TCF12: variants seen among roughly 807,000 people sequenced by gnomAD.
The protein encoded by TCF12 is DNA-binding protein HTF4.
Under a neutral mutation model 86.0 loss-of-function variants are expected in TCF12, and 45 were observed. That is an observed-to-expected ratio of 0.52 (90% confidence interval 0.41 to 0.67). TCF12 has a LOEUF of 0.67. TCF12 is among the 30% of genes least tolerant of loss of function. The pLI, the probability that TCF12 is intolerant of heterozygous loss-of-function variation, is 0.00. For missense variants in TCF12, 881 were observed against 859.9 expected, an observed-to-expected ratio of 1.02 and a Z score of -0.31; for synonymous variants, 330 against 299.6, an observed-to-expected ratio of 1.10 and a Z score of -1.05.
At chr15:57,196,324 A>T (rs2057263546) in intron 7 of TCF12, among the ~76,000 whole-genome samples, 1 of 152,208 alleles carries the variant, frequency 6.6e-6, no homozygotes, top group African/African-American at 2.4e-5. Flanking sequence ...AATTTAAAGT[A>T]TGTAAGAGGA....
chr15:57,232,232 A>G (rs1326533381), intron 9 of TCF12, 59 bp from the exon 10 acceptor site: 15 of 1,601,002 alleles, frequency 9.4e-6, no homozygotes, highest in East Asian at 6.7e-5. Context: ...TATAAGCAAC[A>G]TCAAAATACA....
At chr15:57,055,766 G>A (rs78590177) in intron 3 of TCF12, among the ~76,000 whole-genome samples, 60 of 152,154 alleles carry the variant, frequency 3.9e-4, no homozygotes, top group Non-Finnish European at 6.8e-4. Flanking sequence ...TTGTGTCTAT[G>A]TATGGTTTTC....
chr15:57,146,054 G>C (rs1258659512), intron 5 of TCF12, among the ~76,000 whole-genome samples: 1 of 152,054 alleles, frequency 6.6e-6, no homozygotes, highest in Admixed American at 6.6e-5. Context: ...TTTTTTATGT[G>C]ACTTTTTATT....
chr15:57,201,186 G>T (rs1426308628), intron 8 of TCF12, among the ~76,000 whole-genome samples: 1 of 151,928 alleles, frequency 6.6e-6, no homozygotes, highest in East Asian at 1.9e-4. Flanking sequence ...GTAGAATAAT[G>T]CTTGGACACC....
intron 3 of TCF12, among the ~76,000 whole-genome samples, chr15:57,028,313 T>A (rs1200084439): frequency 2.0e-5 from 3 of 152,214 alleles, no homozygotes; most frequent in Non-Finnish European, 4.4e-5. Flanking sequence ...CTTCATAGCC[T>A]TATGAAAATG....
At chr15:57,169,776 A>G (rs1434761818) in intron 6 of TCF12, among the ~76,000 whole-genome samples, 2 of 152,124 alleles carry the variant, frequency 1.3e-5, no homozygotes, top group African/African-American at 2.4e-5. Context: ...TGTTTTTATT[A>G]TGTTCAAATG....
intron 5 of TCF12, among the ~76,000 whole-genome samples, chr15:57,116,766 A>G (rs901709668): frequency 1.3e-5 from 2 of 152,212 alleles, no homozygotes; most frequent in Non-Finnish European, 2.9e-5. Context: ...AATAATTGCC[A>G]TTCTCATGTC....
intron 3 of TCF12, among the ~76,000 whole-genome samples, chr15:56,961,936 A>G (rs553346645): frequency 6.6e-6 from 1 of 151,734 alleles, no homozygotes; most frequent in East Asian, 1.9e-4. Flanking sequence ...AGGTCAGGAG[A>G]TCGAGACCAC....
intron 12 of TCF12, among the ~76,000 whole-genome samples, chr15:57,237,905 C>T (rs1364283181): frequency 6.6e-6 from 1 of 152,166 alleles, no homozygotes; most frequent in Admixed American, 6.6e-5. Flanking sequence ...TGTTATCATG[C>T]TTTTCAAATG....
intron 6 of TCF12, among the ~76,000 whole-genome samples, chr15:57,184,661 T>C (rs2056560306): frequency 6.6e-6 from 1 of 152,158 alleles, no homozygotes; most frequent in African/African-American, 2.4e-5. Flanking sequence ...CCCTTAAGCA[T>C]GTGGTAATAA....
At chr15:56,951,923 C>T (rs749624219) in intron 3 of TCF12, among the ~76,000 whole-genome samples, 4 of 152,160 alleles carry the variant, frequency 2.6e-5, no homozygotes, top group South Asian at 2.1e-4. Context: ...GCTGGGATTA[C>T]GGGTGCCAGC....
chr15:57,240,991 T>C (rs1347393803), intron 12 of TCF12, among the ~76,000 whole-genome samples: 1 of 151,426 alleles, frequency 6.6e-6, no homozygotes, highest in Non-Finnish European at 1.5e-5. Context: ...AATAAATCAA[T>C]GTATGTGTGC....
Position 57,223,643 on chromosome 15 carries a change from G to GTTTTTTTTTTTTTTTTTTTTTTTTTTT in TCF12, c.580-7507_580-7481dup, listed in dbSNP as rs550493641. On this transcript the variant is annotated intron_variant, in intron 8 of 20. Transcript: ENST00000333725. ...GTTTTGGCACCTGCCTACCAATGAG[G>GTTTTTTTTTTTTTTTTTTTTTTTTTTT]TTTTTTTTTTTTTTTTTTTTTTTTT... Among the ~76,000 whole-genome samples the GTTTTTTTTTTTTTTTTTTTTTTTTTTT allele has an allele frequency of 1.1e-4, 8 of 69,690 alleles. 2 individuals carry two copies. The highest frequency in any genetic ancestry group is 5.0e-4 in the East Asian group (1 of 1,994). The allele number at this position is 69,690 out of a possible 152,430, so 45.7% of individuals were successfully genotyped here. A position where few individuals can be genotyped will look rare whatever the true frequency, so the allele number is the denominator to read the frequency against.
intron 5 of TCF12, among the ~76,000 whole-genome samples, chr15:57,098,519 A>G (rs2049501852): frequency 6.6e-6 from 1 of 152,176 alleles, no homozygotes; most frequent in Admixed American, 6.5e-5. Context: ...GTAGAATATT[A>G]AAGTGAATAA....
At chr15:57,094,579 G>A (rs1480201235) in intron 5 of TCF12, among the ~76,000 whole-genome samples, 1 of 152,188 alleles carries the variant, frequency 6.6e-6, no homozygotes, top group African/African-American at 2.4e-5. Flanking sequence ...ATTTAAGGGA[G>A]TTTCTGGCTG....
intron 3 of TCF12, among the ~76,000 whole-genome samples, chr15:57,022,041 T>A (rs1046862972): frequency 3.3e-5 from 5 of 152,060 alleles, no homozygotes; most frequent in Non-Finnish European, 7.4e-5. Context: ...GTCAGGCAGA[T>A]CTTTTCTTTT....
chr15:57,273,098 C>T lies in TCF12; in HGVS notation c.1814C>T (p.Ala605Val), dbSNP rs868188295. The part of the protein sequence containing the change: ...KIEREKERRM[A>V]NNARERLRVR... ...GAAAGGGAGAAGGAGAGGCGGATGG[C>T]TAACAATGCCAGAGAACGCTTACGC... The change falls in exon 19 of 21, where the codon GCT (alanine) becomes GTT (valine). Residue 605 changes from alanine to valine, a missense_variant. Ala to Val is a moderately conservative substitution (Grantham distance 64). This residue lies in a region of TCF12 where 46 missense variants were observed against 76.7 expected (regional missense o/e 0.60). Transcript: ENST00000333725. The T allele has an allele frequency of 6.2e-7, 1 of 1,614,174 alleles. No homozygotes were observed. The highest frequency in any genetic ancestry group is 1.1e-5 in the South Asian group (1 of 91,082).
intron 3 of TCF12, among the ~76,000 whole-genome samples, chr15:57,046,219 T>TA (rs1567313501): frequency 6.6e-6 from 1 of 152,186 alleles, no homozygotes; most frequent in Non-Finnish European, 1.5e-5. Flanking sequence ...CAGACTTAGA[T>TA]AGGGTCATCA....
chr15:57,024,216 CTTTT>C (rs59793819), intron 3 of TCF12, among the ~76,000 whole-genome samples: 13 of 111,290 alleles, frequency 1.2e-4, no homozygotes, highest in African/African-American at 3.4e-4. Flanking sequence ...AAAAAAGTGT[CTTTT>C]TTTTTTTTTT....
Sources: gnomAD v4.1 joint callset for allele counts (sites outside exome capture counted in the v4.1 genomes callset) on GRCh38, gnomAD v4.1.1 for gene constraint, gnomAD v4.1.1 regional missense constraint, MANE v1.5 for transcripts, NCBI Gene and HGNC (gene_info 2026-07-23, HGNC 2026-07-21) for gene names.